The following LOXHD1 variants were observed in gnomAD, a reference collection of about 807,000 sequenced individuals.
LOXHD1 encodes lipoxygenase homology domain-containing protein 1.
In LOXHD1, 205 loss-of-function variants were observed where a neutral mutation model predicts 248.2. The observed-to-expected ratio is 0.83, with a 90% CI of 0.74 to 0.93. The LOEUF (loss-of-function observed/expected upper bound fraction) is 0.93, where lower values mean the gene tolerates loss of function less well. LOXHD1 is among the 40% of genes least tolerant of loss of function. LOXHD1 has a pLI of 0.00. For missense variants in LOXHD1, 2,930 were observed against 2,971.6 expected, an observed-to-expected ratio of 0.99 and a Z score of 0.33; for synonymous variants, 1,113 against 1,162.8, an observed-to-expected ratio of 0.96 and a Z score of 0.87.
intron 29 of LOXHD1, among the ~76,000 whole-genome samples, chr18:46,527,160 C>A (rs1376230161): frequency 4.0e-5 from 6 of 151,174 alleles, no homozygotes; most frequent in Admixed American, 6.6e-5. Context: ...GGAATCTGAA[C>A]GCAGAGGGGA....
intron 28 of LOXHD1, among the ~76,000 whole-genome samples, chr18:46,530,832 G>A (rs941326873): frequency 6.6e-6 from 1 of 151,986 alleles, no homozygotes; most frequent in Non-Finnish European, 1.5e-5. Flanking sequence ...GTAGCTTTAT[G>A]GTTTCCTAAT....
chr18:46,559,187 G>A (rs748223815), intron 20 of LOXHD1: 221 of 1,447,924 alleles, frequency 1.5e-4, no homozygotes, highest in Non-Finnish European at 1.8e-4. Flanking sequence ...CTCAGCATCT[G>A]CCACTCAACG....
At chr18:46,642,985 A>G (rs1256098689) in intron 2 of LOXHD1, among the ~76,000 whole-genome samples, 2 of 152,198 alleles carry the variant, frequency 1.3e-5, no homozygotes, top group African/African-American at 2.4e-5. Context: ...CCATCACAGA[A>G]GATTTATCCA....
intron 8 of LOXHD1, 141 bp downstream of exon 8, chr18:46,601,076 C>T (rs2038329389): frequency 8.5e-7 from 1 of 1,180,752 alleles, no homozygotes. Flanking sequence ...CACGTAACCA[C>T]CCAAAATGCC....
chr18:46,614,673 C>T lies in LOXHD1; in HGVS notation c.610+3519G>A, dbSNP rs547853206. On this transcript the variant is annotated intron_variant, in intron 5 of 40. Transcript: ENST00000642948. ...ACGTGGCACATGTATACATAGGTAA[C>T]AAACCTGTATGTTGTGCACATGTAC... 7.2e-5 allele frequency among the ~76,000 whole-genome samples: 11 copies of T among 152,014 alleles called. No individual in the cohort carries two copies. The South Asian group carries it at 2.1e-3, about 29-fold the overall frequency.
At chr18:46,649,613 T>C (rs565410875) in intron 1 of LOXHD1, among the ~76,000 whole-genome samples, 1 of 152,230 alleles carries the variant, frequency 6.6e-6, no homozygotes, top group African/African-American at 2.4e-5. Context: ...GACATGGCCT[T>C]CTTCAGAGCC....
intron 37 of LOXHD1, among the ~76,000 whole-genome samples, chr18:46,493,863 A>T (rs1014253751): frequency 2.6e-5 from 4 of 152,166 alleles, no homozygotes; most frequent in African/African-American, 9.7e-5. Context: ...CTGTGTTTAC[A>T]TATTTAGGGC....
At chr18:46,589,759 A>G (rs1048585971) in intron 12 of LOXHD1, among the ~76,000 whole-genome samples, 5 of 152,172 alleles carry the variant, frequency 3.3e-5, no homozygotes, top group Non-Finnish European at 7.4e-5. Context: ...TAACTCCCCA[A>G]TAACTCAGAA....
intron 19 of LOXHD1, 30 bp downstream of exon 19, chr18:46,560,053 C>CG: frequency 2.3e-6 from 1 of 442,622 alleles, no homozygotes; most frequent in Non-Finnish European, 4.2e-6. Flanking sequence ...GCCACTCCCT[C>CG]CCCACCCCCA....
chr18:46,545,189 G>T, intron 23 of LOXHD1, 128 bp downstream of exon 23: 1 of 690,034 alleles, frequency 1.4e-6, no homozygotes, highest in Non-Finnish European at 2.5e-6. Context: ...TTCTCGATGG[G>T]GCTAATTGCT....
At chr18:46,575,236 G>A (rs2037831555) in intron 14 of LOXHD1, among the ~76,000 whole-genome samples, 1 of 151,728 alleles carries the variant, frequency 6.6e-6, no homozygotes, top group Admixed American at 6.6e-5. Flanking sequence ...TTTCAGTTCT[G>A]GCCCTTTCTC....
At chr18:46,572,350 G>A (rs1276838122) in intron 14 of LOXHD1, among the ~76,000 whole-genome samples, 188 bp from the exon 15 acceptor site, 1 of 152,198 alleles carries the variant, frequency 6.6e-6, no homozygotes, top group Non-Finnish European at 1.5e-5. Context: ...CGGAGGCAGT[G>A]GTGTTTGGCT....
chr18:46,519,175 CT>C (rs1384868883), intron 33 of LOXHD1: 36 of 853,602 alleles, frequency 4.2e-5, no homozygotes, highest in Non-Finnish European at 4.5e-5. Flanking sequence ...CCAAGTGCCC[CT>C]GGACTCACAG....
At chr18:46,576,934 C>T (rs922498853) in intron 14 of LOXHD1, among the ~76,000 whole-genome samples, 2 of 152,172 alleles carry the variant, frequency 1.3e-5, no homozygotes, top group African/African-American at 4.8e-5. Flanking sequence ...TCACCCTCAT[C>T]CACTCAAAGG....
At chr18:46,558,580 G>A (rs1178497995) in intron 20 of LOXHD1, among the ~76,000 whole-genome samples, 1 of 152,158 alleles carries the variant, frequency 6.6e-6, no homozygotes. Flanking sequence ...GGGGGCCCCT[G>A]AAATAAATCA....
intron 23 of LOXHD1, among the ~76,000 whole-genome samples, 159 bp from the exon 24 acceptor site, chr18:46,543,014 G>A (rs547612018): frequency 1.3e-5 from 2 of 152,144 alleles, no homozygotes; most frequent in Non-Finnish European, 2.9e-5. Context: ...TTGCACAGTG[G>A]GCATTTTAAA....
At position 46,601,457 on chromosome 18, in the gene LOXHD1, A is replaced by C. The variant is rs886043441; in HGVS notation, c.894T>G (p.Tyr298Ter). 1 of 1,551,722 alleles carries C rather than the reference A, an allele frequency of 6.4e-7. No individual in the cohort carries two copies. The highest frequency in any genetic ancestry group is 8.7e-7 in the Non-Finnish European group (1 of 1,147,004). ...CATCCCCAGTGAAGACGGTGACAATATACGTAATAGCTGGTGTGGAAACAA... is the reference window on the plus strand; with the variant it reads ...CATCCCCAGTGAAGACGGTGACAATCTACGTAATAGCTGGTGTGGAAACAA... ...VGGAETTAITYIVTVFTGDVR... is the reference protein window; with the variant it reads ...VGGAETTAIT The change falls in exon 8 of 41, where the codon TAT (tyrosine) becomes TAG (stop). Residue 298 changes from tyrosine to a stop codon, truncating the protein, a stop_gained. Transcript: ENST00000642948. LOFTEE classifies it high-confidence loss of function.
At chr18:46,573,528 T>C (rs1371554614) in intron 14 of LOXHD1, among the ~76,000 whole-genome samples, 1 of 152,168 alleles carries the variant, frequency 6.6e-6, no homozygotes, top group Non-Finnish European at 1.5e-5. Flanking sequence ...GTACTGGTTG[T>C]TGCAGCCCAC....
chr18:46,594,151 G>T (rs1485833691), intron 9 of LOXHD1, among the ~76,000 whole-genome samples, 180 bp downstream of exon 9: 1 of 152,058 alleles, frequency 6.6e-6, no homozygotes, highest in African/African-American at 2.4e-5. Context: ...ACTCTATATG[G>T]CCTGTACTTT....
Sources: gnomAD v4.1 joint callset for allele counts (sites outside exome capture counted in the v4.1 genomes callset) on GRCh38, gnomAD v4.1.1 for gene constraint, MANE v1.5 for transcripts, NCBI Gene and HGNC (gene_info 2026-07-23, HGNC 2026-07-21) for gene names.